The following SPDYE21 variants were observed in gnomAD, a reference collection of about 807,000 sequenced individuals.
SPDYE21 encodes the protein speedy/RINGO cell cycle regulator family member E21.
In SPDYE21, 14 loss-of-function variants were observed where a neutral mutation model predicts 36.2. The ratio of observed to expected loss-of-function variants is 0.39; its 90% CI spans 0.26 to 0.61. The LOEUF is 0.61. Ranked by LOEUF, SPDYE21 falls within the 20% of genes least tolerant of loss-of-function variation. SPDYE21 has a pLI of 0.55. For synonymous variants in SPDYE21, 58 were observed against 155.1 expected (o/e 0.37, Z 4.65); for missense variants, 233 against 424.6 (o/e 0.55, Z 3.97).
At chr7:67,284,851 C>T (rs927828621) in intron 6 of SPDYE21, among the ~76,000 whole-genome samples, 17 of 151,750 alleles carry the variant, frequency 1.1e-4, no homozygotes, top group African/African-American at 3.1e-4. Context: ...CTTTCTCTAT[C>T]GAGGCCAGGG....
chr7:67,286,926 C>T (rs1311012751), intron 8 of SPDYE21, among the ~76,000 whole-genome samples: 1 of 152,176 alleles, frequency 6.6e-6, no homozygotes. Context: ...GTCTGGGCGA[C>T]AGAGTGAGAC....
intron 5 of SPDYE21, among the ~76,000 whole-genome samples, chr7:67,282,959 C>T (rs1215414229): frequency 7.7e-6 from 1 of 129,636 alleles, no homozygotes; most frequent in Non-Finnish European, 1.6e-5. Flanking sequence ...ACATGAACCA[C>T]CACGCCTGGC....
chr7:67,286,078 G>T lies in SPDYE21; in HGVS notation c.790G>T (p.Asp264Tyr). Reference sequence around the variant, plus strand: ...CAATGACATGGAGGAGGACGACGAGGACTCCAAACAAAACATCTTCCACTT... The same window carrying T: ...CAATGACATGGAGGAGGACGACGAGTACTCCAAACAAAACATCTTCCACTT... ...LANDMEEDDE[D>Y]SKQNIFHFLY... Residue 264 changes from aspartate to tyrosine, a missense_variant, in exon 7 of 9, where the codon GAC becomes TAC. Transcript: ENST00000424157. 4 of 1,613,684 alleles carry T rather than the reference G, an allele frequency of 2.5e-6. No homozygotes were observed. Among genetic ancestry groups the T allele is most frequent in the Non-Finnish European group, 3.4e-6 (4 of 1,180,040 alleles).
At chr7:67,285,746 CA>C (rs1215448319) in intron 6 of SPDYE21, among the ~76,000 whole-genome samples, 2 of 152,108 alleles carry the variant, frequency 1.3e-5, no homozygotes, top group African/African-American at 4.8e-5. Context: ...AGGCCCGTCT[CA>C]AACTCCTGGC....
Position 67,287,523 on chromosome 7 carries a change from C to T in SPDYE21, c.*51C>T, listed in dbSNP as rs1167377523. On this transcript the variant is annotated 3_prime_UTR_variant, in exon 9 of 9. Transcript: ENST00000424157. The stretch of plus-strand genomic sequence containing the variant: ...ATTGTCTCTCTCACTTCCAGAACAC[C>T]GGACCCAGGGGAGATGTGGATTTTC... 6.6e-6 allele frequency among the ~76,000 whole-genome samples: 1 copy of T among 151,946 alleles called. No homozygotes were observed.
rs1802771784 is a variant in SPDYE21, at chr7:67,288,041, G to T, written c.*569G>T. ...TATTTCAAATAGTTTGGAAATTGTTGTACTTTTGAAAACATGCTGTTCCTG... is the reference window on the plus strand; with the variant it reads ...TATTTCAAATAGTTTGGAAATTGTTTTACTTTTGAAAACATGCTGTTCCTG... On this transcript the variant is annotated 3_prime_UTR_variant, in exon 9 of 9. Coordinates refer to ENST00000424157, the MANE Select transcript of SPDYE21 (RefSeq NM_001382715.2). 1.3e-5 allele frequency among the ~76,000 whole-genome samples: 2 copies of T among 151,292 alleles called. No individual in the cohort carries two copies. Among genetic ancestry groups the T allele is most frequent in the Admixed American group, 1.3e-4 (2 of 15,122 alleles).
intron 8 of SPDYE21, among the ~76,000 whole-genome samples, 164 bp downstream of exon 8, chr7:67,286,828 C>T (rs528269996): frequency 4.3e-4 from 66 of 152,278 alleles, no homozygotes; most frequent in African/African-American, 1.5e-3. Context: ...ATCTCTACTC[C>T]CAACTACTCA....
chr7:67,286,319 G>C lies in SPDYE21; in HGVS notation c.1031G>C (p.Cys344Ser), dbSNP rs1209838408. 10 of 1,598,874 alleles carry C rather than the reference G, an allele frequency of 6.3e-6. No homozygotes were observed. In the East Asian group the frequency reaches 2.0e-4, roughly 32 times the overall value. ...VRKRRFQLRR[C>S]MNPRARKNRS... The stretch of plus-strand genomic sequence containing the variant: ...AAGCGTCGGTTCCAGTTACGCCGTT[G>C]CATGAACCCGAGGGCCAGGAAGAAC... Residue 344 changes from cysteine (C) to serine (S), a missense_variant, in exon 7 of 9, where the codon TGC becomes TCC. Transcript: ENST00000424157.
Position 67,284,005 on chromosome 7 carries a change from G to T in SPDYE21, c.755+7G>T. On this transcript the variant is annotated splice_region_variant and intron_variant, in intron 6 of 8. Transcript: ENST00000424157. ...TTCATTTCTTCCTGGCTCTGTGAGTGGTTTGCTGCCTCCTATCCGTCAATA... is the reference window on the plus strand; with the variant it reads ...TTCATTTCTTCCTGGCTCTGTGAGTTGTTTGCTGCCTCCTATCCGTCAATA... 7.1e-7 allele frequency: 1 copy of T among 1,406,186 alleles called. No homozygotes were observed. Among genetic ancestry groups the T allele is most frequent in the East Asian group, 2.3e-5 (1 of 43,672 alleles). 87.1% of individuals were successfully genotyped at this position (1,406,186 alleles called of 1,614,324 possible). A position where few individuals can be genotyped will look rare whatever the true frequency, so the allele number is the denominator to read the frequency against.
Position 67,280,691 on chromosome 7 carries a change from C to CAAAAAAAAA in SPDYE21, c.380-653_380-645dup, listed in dbSNP as rs1180256690. Among the ~76,000 whole-genome samples the CAAAAAAAAA allele has an allele frequency of 6.0e-4, 9 of 15,046 alleles. 4 individuals are homozygous for CAAAAAAAAA. Among genetic ancestry groups the CAAAAAAAAA allele is most frequent in the East Asian group, 5.9e-3 (2 of 340 alleles). 9.9% of individuals were successfully genotyped at this position (15,046 alleles called of 152,430 possible). ...TGGGTGAGAGAGTGAGAAGCTGTCT[C>CAAAAAAAAA]AAAAAAAAAAAAAAAAAAAAAAAAA... On this transcript the variant is annotated intron_variant, in intron 3 of 8. Coordinates refer to ENST00000424157, the MANE Select transcript of SPDYE21 (RefSeq NM_001382715.2).
chr7:67,286,226 G>A lies in SPDYE21; in HGVS notation c.938G>A (p.Arg313Gln), dbSNP rs948702545. The change falls in exon 7 of 9, where the codon CGG becomes CAG. Residue 313 changes from arginine (R) to glutamine (Q), a missense_variant. Coordinates refer to ENST00000424157, the MANE Select transcript of SPDYE21 (RefSeq NM_001382715.2). The part of the protein sequence containing the change: ...RSRIPLLRKR[R>Q]FQLGRSMNPR... ...CGCATACCCTTGCTCCGTAAGCGTC[G>A]GTTCCAGTTAGGCCGTTCCATGAAC... 91 of 1,612,718 alleles carry A rather than the reference G, an allele frequency of 5.6e-5. No homozygotes were observed. Among genetic ancestry groups the A allele is most frequent in the Non-Finnish European group, 7.5e-5 (88 of 1,179,222 alleles).
chr7:67,286,604 C>T lies in SPDYE21; in HGVS notation c.1194C>T (p.Arg398=), dbSNP rs1231095400. The change falls in exon 8 of 9, where the codon CGC becomes CGT. Residue 398 remains arginine, a synonymous_variant. Transcript: ENST00000424157. ...AGCACTGGGTGTGGGCACGAGATCGCGCTCACCTTTCCTAGAGCTCCAGGG... is the reference window on the plus strand; with the variant it reads ...AGCACTGGGTGTGGGCACGAGATCGTGCTCACCTTTCCTAGAGCTCCAGGG... ...DPEHWVWARD[R]AHLS Among the ~76,000 whole-genome samples the T allele has an allele frequency of 1.3e-5, 2 of 151,978 alleles. No homozygotes were observed. The highest frequency in any genetic ancestry group is 4.8e-5 in the African/African-American group (2 of 41,368).
At position 67,278,041 on chromosome 7, in the gene SPDYE21, A is replaced by G. The variant is rs1802569118; in HGVS notation, c.-422-251A>G. On this transcript the variant is annotated intron_variant, in intron 1 of 8. Transcript: ENST00000424157. ...TATAGAATCTGGGACAGTGAATGTG[A>G]GTAAACATTCGGCAGAAAAGCTCTG... Among the ~76,000 whole-genome samples, 4 of 93,238 alleles carry G rather than the reference A, an allele frequency of 4.3e-5. 2 individuals are homozygous for G. Among genetic ancestry groups the G allele is most frequent in the Non-Finnish European group, 8.8e-5 (4 of 45,640 alleles). The allele number at this position is 93,238 out of a possible 152,430, so 61.2% of individuals were successfully genotyped here. A position where few individuals can be genotyped will look rare whatever the true frequency, so the allele number is the denominator to read the frequency against.
rs1802582214 is a variant in SPDYE21 at position 67,278,810 on chromosome 7, CAG to C, written c.98_99del (p.Gln33ProfsTer14). On this transcript the variant is annotated frameshift_variant, in exon 2 of 9. Transcript: ENST00000424157. LOFTEE classifies it high-confidence loss of function. ...GCACCCCCAGAATGAGCAGAGTCCC[CAG>C]CGGAGCACCTCGGGGTACCCCCTCC... ...QLHPQNEQSP[Q>X]RSTSGYPLQE... Among the ~76,000 whole-genome samples, 1 of 151,904 alleles carries C rather than the reference CAG, an allele frequency of 6.6e-6. No homozygotes were observed. Among genetic ancestry groups the C allele is most frequent in the Non-Finnish European group, 1.5e-5 (1 of 67,986 alleles).
chr7:67,282,323 G>C (rs1802654656), intron 4 of SPDYE21, among the ~76,000 whole-genome samples: 1 of 151,872 alleles, frequency 6.6e-6, no homozygotes, highest in East Asian at 2.0e-4. Context: ...TGTCTCATGA[G>C]GAAATGATGG....
rs1802582502 is a variant in SPDYE21, at chr7:67,278,819, A to G, written c.106A>G (p.Thr36Ala). The change falls in exon 2 of 9, where the codon ACC becomes GCC. Residue 36 changes from threonine (T) to alanine (A), a missense_variant. Coordinates refer to ENST00000424157, the MANE Select transcript of SPDYE21 (RefSeq NM_001382715.2). ...GAATGAGCAGAGTCCCCAGCGGAGC[A>G]CCTCGGGGTACCCCCTCCAGGAGGT... Reference protein sequence around the residue: ...PQNEQSPQRSTSGYPLQEVVD... With the variant: ...PQNEQSPQRSASGYPLQEVVD... 6.6e-6 allele frequency among the ~76,000 whole-genome samples: 1 copy of G among 151,870 alleles called. No individual in the cohort carries two copies. Among genetic ancestry groups the G allele is most frequent in the South Asian group, 2.1e-4 (1 of 4,818 alleles).
At chr7:67,282,962 C>T (rs1394662750) in intron 5 of SPDYE21, among the ~76,000 whole-genome samples, 3 of 129,240 alleles carry the variant, frequency 2.3e-5, no homozygotes, top group Non-Finnish European at 4.9e-5. Flanking sequence ...TGAACCACCA[C>T]GCCTGGCTAA....
At chr7:67,286,721 G>A (rs1802742576) in intron 8 of SPDYE21, among the ~76,000 whole-genome samples, 57 bp downstream of exon 8, 1 of 151,968 alleles carries the variant, frequency 6.6e-6, no homozygotes, top group South Asian at 2.1e-4. Context: ...TCGGAAATCC[G>A]AAGAACCCAA....
intron 6 of SPDYE21, among the ~76,000 whole-genome samples, chr7:67,285,627 C>A (rs1160170065): frequency 6.6e-6 from 1 of 152,172 alleles, no homozygotes; most frequent in East Asian, 1.9e-4. Flanking sequence ...TGGTCTCAAG[C>A]GATCCACCTG....
Sources: allele counts gnomAD v4.1 joint callset (sites outside exome capture counted in the v4.1 genomes callset), GRCh38; gene constraint gnomAD v4.1.1; transcripts MANE v1.5; gene names NCBI Gene and HGNC (gene_info 2026-07-23, HGNC 2026-07-21).